CAMK1D: variants seen among roughly 807,000 people sequenced by gnomAD.
CAMK1D encodes the protein calcium/calmodulin dependent protein kinase ID.
Under a neutral mutation model 47.7 loss-of-function variants are expected in CAMK1D, and 9 were observed. That is an observed-to-expected ratio of 0.19 (90% CI 0.11 to 0.33). The LOEUF is 0.33. CAMK1D is among the 10% of genes least tolerant of loss of function. The pLI is 1.00. For missense variants in CAMK1D, 291 were observed against 488.7 expected, an observed-to-expected ratio of 0.60 and a Z score of 3.81; for synonymous variants, 184 against 184.9, an observed-to-expected ratio of 0.99 and a Z score of 0.04.
intron 2 of CAMK1D, among the ~76,000 whole-genome samples, chr10:12,661,799 C>T (rs1413278553): frequency 2.6e-5 from 4 of 152,214 alleles, no homozygotes; most frequent in African/African-American, 9.7e-5. Flanking sequence ...CTTCAATGCA[C>T]AGCAAAATTC....
intron 1 of CAMK1D, among the ~76,000 whole-genome samples, chr10:12,453,338 T>C (rs545304311): frequency 6.6e-6 from 1 of 151,912 alleles, no homozygotes; most frequent in Non-Finnish European, 1.5e-5. Flanking sequence ...TACAGGCGCC[T>C]GCCACCACGC....
At chr10:12,621,059 C>T (rs1403027102) in intron 2 of CAMK1D, among the ~76,000 whole-genome samples, 3 of 152,182 alleles carry the variant, frequency 2.0e-5, no homozygotes, top group Non-Finnish European at 4.4e-5. Flanking sequence ...TGTCTTTCTC[C>T]ACTGAATTGC....
chr10:12,509,756 G>T (rs555544542), intron 1 of CAMK1D, among the ~76,000 whole-genome samples: 1 of 152,230 alleles, frequency 6.6e-6, no homozygotes, highest in Non-Finnish European at 1.5e-5. Flanking sequence ...GTTTCAAAAA[G>T]AATGTGACTT....
intron 4 of CAMK1D, among the ~76,000 whole-genome samples, chr10:12,765,714 T>C (rs1453512677): frequency 1.3e-5 from 2 of 151,942 alleles, no homozygotes; most frequent in Non-Finnish European, 2.9e-5. Context: ...AGAGCGGACA[T>C]TTAGTAGGTG....
intron 1 of CAMK1D, among the ~76,000 whole-genome samples, chr10:12,361,183 T>G (rs1355583204): frequency 1.3e-5 from 2 of 152,068 alleles, no homozygotes; most frequent in African/African-American, 4.8e-5. Flanking sequence ...CAAACAATGT[T>G]GGCTTTCTTT....
intron 1 of CAMK1D, among the ~76,000 whole-genome samples, chr10:12,536,687 T>C (rs1835982302): frequency 1.3e-5 from 2 of 152,230 alleles, no homozygotes; most frequent in African/African-American, 4.8e-5. Flanking sequence ...CCTATGTATG[T>C]ATTATATACC....
Position 12,772,659 on chromosome 10 carries a change from G to A in CAMK1D, c.565+2860G>A, listed in dbSNP as rs142464982. On this transcript the variant is annotated intron_variant, in intron 5 of 10. Transcript: ENST00000619168. ...GCACTGACGTGTCGGGAATGGTGTT[G>A]AGAAGAGTCCATCGCTCTTGCTACT... Among the ~76,000 whole-genome samples, 590 of 152,348 alleles carry A rather than the reference G, an allele frequency of 3.9e-3. 4 individuals are homozygous for A. Among genetic ancestry groups the A allele is most frequent in the African/African-American group, 0.014 (565 of 41,578 alleles).
intron 1 of CAMK1D, among the ~76,000 whole-genome samples, chr10:12,461,687 C>CAAAAA (rs57291391): frequency 1.1e-5 from 1 of 90,370 alleles, no homozygotes; most frequent in Non-Finnish European, 2.2e-5. Context: ...GGCTTCATCT[C>CAAAAA]AAAAAAAAAA....
chr10:12,530,167 TC>T (rs1835758368), intron 1 of CAMK1D, among the ~76,000 whole-genome samples: 3 of 152,130 alleles, frequency 2.0e-5, no homozygotes, highest in South Asian at 4.1e-4. Flanking sequence ...TCTGGCCGGC[TC>T]CCAAGGCCAC....
intron 1 of CAMK1D, among the ~76,000 whole-genome samples, chr10:12,356,406 G>A (rs533063823): frequency 2.0e-5 from 3 of 152,304 alleles, no homozygotes; most frequent in South Asian, 2.1e-4. Context: ...CTCTGGAAAC[G>A]GGCAAGCACA....
intron 2 of CAMK1D, among the ~76,000 whole-genome samples, chr10:12,642,435 C>T (rs1013500383): frequency 6.6e-6 from 1 of 152,344 alleles, no homozygotes; most frequent in Non-Finnish European, 1.5e-5. Context: ...AGCAACCACA[C>T]ACCAAGGCTG....
At chr10:12,592,390 T>A (rs1006711524) in intron 2 of CAMK1D, among the ~76,000 whole-genome samples, 8 of 152,234 alleles carry the variant, frequency 5.3e-5, no homozygotes, top group Non-Finnish European at 1.2e-4. Context: ...GCCAAGAGTA[T>A]TTTTCTTTTA....
chr10:12,671,854 AT>A (rs1840628879), intron 3 of CAMK1D, among the ~76,000 whole-genome samples: 1 of 125,486 alleles, frequency 8.0e-6, no homozygotes, highest in Admixed American at 7.8e-5. Context: ...GGTCTGCTTT[AT>A]TTTTTCTTTT....
intron 2 of CAMK1D, among the ~76,000 whole-genome samples, chr10:12,573,145 A>G (rs1408745190): frequency 6.6e-6 from 1 of 152,216 alleles, no homozygotes; most frequent in African/African-American, 2.4e-5. Flanking sequence ...ATATCTGACG[A>G]CAGAATTAAT....
At chr10:12,757,849 GCT>G (rs1836303707) in intron 3 of CAMK1D, among the ~76,000 whole-genome samples, 1 of 134,486 alleles carries the variant, frequency 7.4e-6, no homozygotes, top group Non-Finnish European at 1.5e-5. Flanking sequence ...TGGGGGCCCT[GCT>G]CTTTTTTTTT....
intron 3 of CAMK1D, among the ~76,000 whole-genome samples, chr10:12,744,775 C>T (rs1184521040): frequency 6.6e-6 from 1 of 151,630 alleles, no homozygotes; most frequent in Admixed American, 6.6e-5. Context: ...GTGGCTCATG[C>T]CTGTAATCCC....
At chr10:12,353,037 G>A (rs746472006) in intron 1 of CAMK1D, among the ~76,000 whole-genome samples, 8 of 152,022 alleles carry the variant, frequency 5.3e-5, no homozygotes, top group African/African-American at 1.2e-4. Context: ...GCGCCCAGCC[G>A]CCTCTGTGTA....
intron 3 of CAMK1D, among the ~76,000 whole-genome samples, chr10:12,705,564 G>A (rs1302919757): frequency 1.3e-5 from 2 of 152,144 alleles, no homozygotes; most frequent in Non-Finnish European, 2.9e-5. Context: ...TTCCATGAAC[G>A]GTGTGTTCGT....
chr10:12,368,289 A>T (rs1837907210), intron 1 of CAMK1D, among the ~76,000 whole-genome samples: 2 of 151,110 alleles, frequency 1.3e-5, no homozygotes, highest in South Asian at 4.2e-4. Context: ...CTGAAGCAGG[A>T]GGTTCACTTG....
Sources: gnomAD v4.1 joint callset for allele counts (sites outside exome capture counted in the v4.1 genomes callset) on GRCh38, gnomAD v4.1.1 for gene constraint, MANE v1.5 for transcripts, NCBI Gene and HGNC (gene_info 2026-07-23, HGNC 2026-07-21) for gene names.